FANCD2: variants seen among roughly 807,000 people sequenced by gnomAD.
FANCD2 encodes FA complementation group D2, also known as Fanconi anemia group D2 protein.
FANCD2 carries 131 observed loss-of-function variants against 192.3 expected under a neutral mutation model. That is an observed-to-expected ratio of 0.68 (90% confidence interval 0.59 to 0.79). The LOEUF (loss-of-function observed/expected upper bound fraction) is 0.79. FANCD2 is among the 30% of genes least tolerant of loss of function. The pLI is 0.00. For synonymous variants in FANCD2, 524 were observed against 612.5 expected (o/e 0.86, Z 2.13); for missense variants, 1,508 against 1,701.6 (o/e 0.89, Z 2.00).
In FANCD2 at chr3:10,036,320, C is replaced by T; in HGVS notation, c.472C>T (p.Pro158Ser). 1.2e-6 allele frequency: 2 copies of T among 1,612,668 alleles called. No homozygotes were observed. The change falls in exon 7 of 44, where the codon CCA becomes TCA. Residue 158 changes from proline (P) to serine (S), a missense_variant. By Grantham distance (74) the Pro-to-Ser change is moderately conservative (BLOSUM62 -1). This residue lies in a region of FANCD2 where 435 missense variants were observed against 421.9 expected (regional missense o/e 1.03). Coordinates refer to ENST00000675286, the MANE Select transcript of FANCD2 (RefSeq NM_001018115.3). ...AIIKTLFEKL[P>S]EYFFENKNSD... ...TATCAAAACCTTATTTGAGAAGTTG[C>T]CAGAATATTTTTTTGAAAAGTAAGT...
At chr3:10,035,975 A>G (rs2086717589) in intron 6 of FANCD2, among the ~76,000 whole-genome samples, 1 of 152,142 alleles carries the variant, frequency 6.6e-6, no homozygotes, top group South Asian at 2.1e-4. Context: ...GTATTCCAAT[A>G]GCATATTCTA....
intron 17 of FANCD2, among the ~76,000 whole-genome samples, chr3:10,052,042 G>A (rs1469863008): frequency 6.6e-6 from 1 of 152,088 alleles, no homozygotes; most frequent in East Asian, 1.9e-4. Flanking sequence ...CCGAGAACTG[G>A]GAGGTGCATT....
intron 25 of FANCD2, 117 bp from the exon 26 acceptor site, chr3:10,067,092 C>A: frequency 1.3e-6 from 1 of 744,712 alleles, no homozygotes; most frequent in Non-Finnish European, 2.4e-6. Flanking sequence ...AGTTCTATTA[C>A]AGACTAAACT....
chr3:10,058,331 T>G (rs2087472617), intron 18 of FANCD2: 1 of 155,870 alleles, frequency 6.4e-6, no homozygotes, highest in Non-Finnish European at 1.4e-5. Flanking sequence ...AGGTTGCCAC[T>G]CCAAAGCTGT....
intron 23 of FANCD2, among the ~76,000 whole-genome samples, chr3:10,065,170 T>A (rs1414146459): frequency 6.6e-6 from 1 of 152,080 alleles, no homozygotes; most frequent in African/African-American, 2.4e-5. Flanking sequence ...GCACCTATAA[T>A]CCCAGCTACT....
Position 10,034,922 on chromosome 3 carries a change from G to T in FANCD2, c.377+124G>T, listed in dbSNP as rs193270710. 9 of 803,306 alleles carry T rather than the reference G, an allele frequency of 1.1e-5. No homozygotes were observed. The Admixed American group carries it at 1.3e-4, about 12-fold the overall frequency. The allele number at this position is 803,306 out of a possible 1,614,324, so 49.8% of individuals were successfully genotyped here. On this transcript the variant is annotated intron_variant, in intron 5 of 43. Coordinates refer to ENST00000675286, the MANE Select transcript of FANCD2 (RefSeq NM_001018115.3). ...TGGTGTAAGCTCTGTTTTCCTCAGA[G>T]TTTAAACTAAGTTTAAAATTCCTAA...
At position 10,048,053 on chromosome 3, in the gene FANCD2, T is replaced by C. The variant is rs1459222478; in HGVS notation, c.1413+2T>C. On this transcript the variant is annotated splice_donor_variant, in intron 16 of 43. Transcript: ENST00000675286. LOFTEE classifies it high-confidence loss of function. The stretch of plus-strand genomic sequence containing the variant: ...TTTTTTGACACGTACTGCCAGCAGG[T>C]ATGTTGAAACATTTATTTTGGCAAG... 1 of 1,614,250 alleles carries C rather than the reference T, an allele frequency of 6.2e-7. No individual in the cohort carries two copies. Among genetic ancestry groups the C allele is most frequent in the Non-Finnish European group, 8.5e-7 (1 of 1,180,044 alleles).
In FANCD2 at chr3:10,047,920, C is replaced by T. The variant is rs2087072060; in HGVS notation, c.1282C>T (p.Leu428Phe). 1 of 1,612,650 alleles carries T rather than the reference C, an allele frequency of 6.2e-7. No individual in the cohort carries two copies. The highest frequency in any genetic ancestry group is 2.2e-5 in the East Asian group (1 of 44,880). Residue 428 changes from leucine (L) to phenylalanine (F), a missense_variant, in exon 16 of 44, where the codon CTT becomes TTT. Coordinates refer to ENST00000675286, the MANE Select transcript of FANCD2 (RefSeq NM_001018115.3). ...TCTCTACTCTTCCCCACTCAAGGTT[C>T]TTAAGGATATGTGTTCATCCATTCT... Reference protein sequence around the residue: ...QSTFSVHYLVLKDMCSSILSL... With the variant: ...QSTFSVHYLVFKDMCSSILSL...
intron 7 of FANCD2, among the ~76,000 whole-genome samples, chr3:10,037,088 C>T (rs2086750764): frequency 6.6e-6 from 1 of 151,900 alleles, no homozygotes; most frequent in East Asian, 1.9e-4. Flanking sequence ...TCAAGTGGTC[C>T]ACCTGCCTTA....
At chr3:10,046,269 G>A (rs1377659781) in intron 14 of FANCD2, among the ~76,000 whole-genome samples, 2 of 151,648 alleles carry the variant, frequency 1.3e-5, no homozygotes, top group Non-Finnish European at 2.9e-5. Flanking sequence ...TAGTCAGGAT[G>A]GTCTCGATCT....
rs2087748499 is a variant in FANCD2, at chr3:10,067,313, G to C, written c.2490G>C (p.Leu830Phe). The C allele has an allele frequency of 1.2e-6, 2 of 1,600,840 alleles. No homozygotes were observed. Among genetic ancestry groups the C allele is most frequent in the Admixed American group, 1.7e-5 (1 of 59,898 alleles). The change falls in exon 26 of 44, where the codon TTG becomes TTC. Residue 830 changes from leucine (L) to phenylalanine (F), a missense_variant. Transcript: ENST00000675286. ...VELQIILEKYLAVTPDYVPPL... is the reference protein window; with the variant it reads ...VELQIILEKYFAVTPDYVPPL... ...TGCAAATAATCCTGGAAAAGTACTT[G>C]GCAGGTAAGAGAAGTGTCCTATACT...
chr3:10,036,086 C>CTTTTTTTTTTTTTTGTTTTT (rs2086722347), intron 6 of FANCD2, among the ~76,000 whole-genome samples: 1 of 102,602 alleles, frequency 9.7e-6, no homozygotes. Context: ...TTATACATTT[C>CTTTTTTTTTTTTTTGTTTTT]TTTTTTTTTT....
chr3:10,054,447 A>ATG (rs1491250132), intron 18 of FANCD2, among the ~76,000 whole-genome samples: 3,280 of 25,286 alleles, frequency 0.13, 153 homozygotes, highest in African/African-American at 0.27. Flanking sequence ...ATGTATATAC[A>ATG]TATATATATA....
At chr3:10,047,784 G>C in intron 15 of FANCD2, 133 bp from the exon 16 acceptor site, 2 of 1,045,530 alleles carry the variant, frequency 1.9e-6, no homozygotes, top group Non-Finnish European at 2.9e-6. Context: ...GTAAAACAAA[G>C]ATTAAGATTT....
At position 10,101,480 on chromosome 3, in the gene FANCD2, G is replaced by T; in HGVS notation, c.*218G>T. On this transcript the variant is annotated 3_prime_UTR_variant, in exon 44 of 44. Coordinates refer to ENST00000675286, the MANE Select transcript of FANCD2 (RefSeq NM_001018115.3). ...GGCTCACTGCAACCTCCATCTCCTAGGTTCAAGCGATTCTCCTGCCTCAGC... is the reference window on the plus strand; with the variant it reads ...GGCTCACTGCAACCTCCATCTCCTATGTTCAAGCGATTCTCCTGCCTCAGC... The T allele has an allele frequency of 2.0e-6, 1 of 504,784 alleles. No homozygotes were observed. Among genetic ancestry groups the T allele is most frequent in the Non-Finnish European group, 3.6e-6 (1 of 279,098 alleles). The allele number at this position is 504,784 out of a possible 1,614,324, so 31.3% of individuals were successfully genotyped here.
rs570459552 is a variant in FANCD2 at position 10,087,257 on chromosome 3, A to G, written c.3459A>G (p.Glu1153=). Residue 1153 remains glutamate (E), a synonymous_variant, in exon 34 of 44, where the codon GAA becomes GAG. Coordinates refer to ENST00000675286, the MANE Select transcript of FANCD2 (RefSeq NM_001018115.3). ...EKSTASAQNK[E]KIASLARQFL... is the part of the protein sequence containing the mutation. ...CAACAGCTTCTGCTCAGAACAAAGA[A>G]AAAATTGGTGATGGGCCTAGATCCT... 15 of 1,612,890 alleles carry G rather than the reference A, an allele frequency of 9.3e-6. No homozygotes were observed. The Admixed American group carries it at 2.2e-4, about 23-fold the overall frequency.
At chr3:10,068,849 A>G (rs1475362154) in intron 26 of FANCD2, among the ~76,000 whole-genome samples, 6 of 152,204 alleles carry the variant, frequency 3.9e-5, no homozygotes, top group Admixed American at 1.3e-4. Context: ...ATACACCTAC[A>G]ATGAACTCAT....
rs767122938 is a variant in FANCD2 at position 10,043,041 on chromosome 3, T to A, written c.889-9T>A. 56 of 1,612,968 alleles carry A rather than the reference T, an allele frequency of 3.5e-5. No homozygotes were observed. Among genetic ancestry groups the A allele is most frequent in the Non-Finnish European group, 4.4e-5 (52 of 1,179,096 alleles). ...GCAGAAAACCATAGCTAATATTTAC[T>A]TTCTGCAGGTAATTTCTGAGCTTCG... is the stretch of plus-strand genomic sequence containing the variant. On this transcript the variant is annotated splice_polypyrimidine_tract_variant and intron_variant, in intron 11 of 43. Coordinates refer to ENST00000675286, the MANE Select transcript of FANCD2 (RefSeq NM_001018115.3).
chr3:10,098,851 T>C, intron 43 of FANCD2, 36 bp downstream of exon 43: 1 of 1,614,206 alleles, frequency 6.2e-7, no homozygotes, highest in African/African-American at 1.3e-5. Context: ...CTGGCACTGA[T>C]GGTTGCATTT....
Sources: allele counts gnomAD v4.1 joint callset (sites outside exome capture counted in the v4.1 genomes callset), GRCh38; gene constraint gnomAD v4.1.1; regional missense constraint gnomAD v4.1.1; transcripts MANE v1.5; gene names NCBI Gene and HGNC (gene_info 2026-07-23, HGNC 2026-07-21).